QTMAN: variants seen among roughly 807,000 people sequenced by gnomAD.
QTMAN encodes queuosine-tRNA mannosyltransferase.
At chr2:143,978,858 T>G in the QTMAN span, among the ~76,000 whole-genome samples, 2 of 152,242 alleles carry the variant, frequency 1.3e-5, no homozygotes, top group Admixed American at 6.5e-5. Flanking sequence ...GATTTAACAT[T>G]GTTTTCCTCC....
chr2:144,204,162 A>C, the QTMAN span, among the ~76,000 whole-genome samples: 2 of 152,228 alleles, frequency 1.3e-5, no homozygotes, highest in African/African-American at 2.4e-5. Context: ...TAATTAAACT[A>C]AAGAGCTTCT....
At chr2:144,255,632 A>G in the QTMAN span, among the ~76,000 whole-genome samples, 1 of 152,244 alleles carries the variant, frequency 6.6e-6, no homozygotes, top group Non-Finnish European at 1.5e-5. Context: ...CAACTACAAA[A>G]CATTCTGGAA....
the QTMAN span, among the ~76,000 whole-genome samples, chr2:143,978,721 G>GA: frequency 6.6e-6 from 1 of 152,170 alleles, no homozygotes; most frequent in Non-Finnish European, 1.5e-5. Flanking sequence ...TCAGACTGGG[G>GA]AGACTCTATG....
At chr2:144,061,084 A>G in the QTMAN span, among the ~76,000 whole-genome samples, 1,152 of 152,274 alleles carry the variant, frequency 7.6e-3, 18 homozygotes, top group African/African-American at 0.026. Flanking sequence ...TTGAATTTAA[A>G]TATTTGTAGT....
At chr2:144,206,273 C>T in the QTMAN span, among the ~76,000 whole-genome samples, 3 of 152,090 alleles carry the variant, frequency 2.0e-5, no homozygotes, top group Non-Finnish European at 4.4e-5. Flanking sequence ...TGATTTCATG[C>T]ACTAAATATA....
the QTMAN span, among the ~76,000 whole-genome samples, chr2:144,106,386 G>A: frequency 6.6e-6 from 1 of 152,116 alleles, no homozygotes; most frequent in Non-Finnish European, 1.5e-5. Flanking sequence ...ACACACATAG[G>A]CTCAAAATAA....
At chr2:144,310,184 A>C in the QTMAN span, among the ~76,000 whole-genome samples, 1 of 152,220 alleles carries the variant, frequency 6.6e-6, no homozygotes, top group Non-Finnish European at 1.5e-5. Context: ...GAATAAGTTA[A>C]GCAGTCACCT....
chr2:144,239,795 T>A, the QTMAN span, among the ~76,000 whole-genome samples: 1 of 152,230 alleles, frequency 6.6e-6, no homozygotes, highest in South Asian at 2.1e-4. Context: ...AGTCTACTCT[T>A]CATCTTCTGG....
chr2:144,272,262 C>T, the QTMAN span, among the ~76,000 whole-genome samples: 2 of 152,062 alleles, frequency 1.3e-5, no homozygotes, highest in Admixed American at 1.3e-4. Context: ...AAAGTTAATC[C>T]AAAAATTAAA....
chr2:144,050,329 A>C, the QTMAN span, among the ~76,000 whole-genome samples: 1 of 152,038 alleles, frequency 6.6e-6, no homozygotes, highest in Non-Finnish European at 1.5e-5. Context: ...AAAAAAAAAC[A>C]ATAAAAAGAG....
At chr2:144,200,438 T>C in the QTMAN span, among the ~76,000 whole-genome samples, 1 of 152,226 alleles carries the variant, frequency 6.6e-6, no homozygotes, top group South Asian at 2.1e-4. Flanking sequence ...TGGTGTCCAA[T>C]CTTTGGCTTC....
At chr2:144,065,378 T>A in the QTMAN span, among the ~76,000 whole-genome samples, 1 of 152,364 alleles carries the variant, frequency 6.6e-6, no homozygotes, top group Admixed American at 6.5e-5. Context: ...CCCTAGCAGG[T>A]TGACCCAAAT....
At chr2:144,325,053 T>C in the QTMAN span, among the ~76,000 whole-genome samples, 1 of 152,226 alleles carries the variant, frequency 6.6e-6, no homozygotes, top group Admixed American at 6.5e-5. Context: ...CTAGGCATCA[T>C]GCCCCAACCC....
chr2:144,150,373 A>G, the QTMAN span, among the ~76,000 whole-genome samples: 12 of 152,056 alleles, frequency 7.9e-5, no homozygotes, highest in Non-Finnish European at 1.0e-4. Flanking sequence ...TCTGTGATGC[A>G]GTATTTTCTA....
the QTMAN span, chr2:143,952,796 A>G: frequency 1.2e-6 from 2 of 1,608,980 alleles, no homozygotes; most frequent in East Asian, 2.2e-5. Context: ...GGGATAAACC[A>G]AATCTTTAGG....
chr2:144,130,870 T>C, the QTMAN span, among the ~76,000 whole-genome samples: 1 of 151,924 alleles, frequency 6.6e-6, no homozygotes, highest in Non-Finnish European at 1.5e-5. Flanking sequence ...CAACATACAG[T>C]ACTTCATCTC....
the QTMAN span, among the ~76,000 whole-genome samples, chr2:144,223,762 T>C: frequency 6.6e-6 from 1 of 152,192 alleles, no homozygotes; most frequent in African/African-American, 2.4e-5. Context: ...TAAATATACA[T>C]ATAAAACGAT....
At chr2:144,133,279 A>G in the QTMAN span, among the ~76,000 whole-genome samples, 1 of 67,948 alleles carries the variant, frequency 1.5e-5, no homozygotes, top group Non-Finnish European at 2.6e-5. Context: ...ATATATTTAT[A>G]TATACATATA....
At chr2:144,187,316 G>A in the QTMAN span, among the ~76,000 whole-genome samples, 3 of 152,324 alleles carry the variant, frequency 2.0e-5, no homozygotes, top group East Asian at 3.9e-4. Context: ...AGACACGAGT[G>A]AAGAAATAAA....
Sources: gnomAD v4.1 joint callset for allele counts (sites outside exome capture counted in the v4.1 genomes callset) on GRCh38, gnomAD v4.1.1 for gene constraint, MANE v1.5 for transcripts, NCBI Gene and HGNC (gene_info 2026-07-23, HGNC 2026-07-21) for gene names.